Variants in AGAP1 observed in about 807,000 individuals in gnomAD.
AGAP1 encodes ArfGAP with GTPase domain, ankyrin repeat and PH domain 1.
In AGAP1, 29 loss-of-function variants were observed where a neutral mutation model predicts 105.3. That is an observed-to-expected ratio of 0.28 (90% confidence interval 0.21 to 0.38). The LOEUF (loss-of-function observed/expected upper bound fraction) is 0.38, where lower values mean the gene tolerates loss of function less well. Ranked by LOEUF, AGAP1 falls within the 10% of genes least tolerant of loss-of-function variation. The pLI, the probability that AGAP1 is intolerant of heterozygous loss-of-function variation, is 1.00. For synonymous variants in AGAP1, 509 were observed against 485.9 expected (o/e 1.05, Z -0.63); for missense variants, 998 against 1,165.1 (o/e 0.86, Z 2.09).
At position 236,124,452 on chromosome 2, in the gene AGAP1, G is replaced by T. The variant is rs571806375; in HGVS notation, c.*330G>T. ...GGTGGCACAAGGGATGGGGACGCGA[G>T]GGGGAGGGGAGGCGAGGAACAAGGA... On this transcript the variant is annotated 3_prime_UTR_variant, in exon 18 of 18. Coordinates refer to ENST00000304032, the MANE Select transcript of AGAP1 (RefSeq NM_001037131.3). The surrounding 1 kb of genome is among the most constrained non-coding windows in gnomAD (Gnocchi z 5.1). 8.7e-6 allele frequency: 3 copies of T among 344,032 alleles called. No individual in the cohort carries two copies. The highest frequency in any genetic ancestry group is 8.6e-5 in the Admixed American group (2 of 23,210). 21.3% of individuals were successfully genotyped at this position (344,032 alleles called of 1,614,324 possible). A position where few individuals can be genotyped will look rare whatever the true frequency, so the allele number is the denominator to read the frequency against.
At chr2:235,932,771 G>A (rs1403779748) in intron 12 of AGAP1, among the ~76,000 whole-genome samples, 9 of 152,188 alleles carry the variant, frequency 5.9e-5, no homozygotes, top group East Asian at 1.9e-4. Context: ...TGAGCTGTAC[G>A]TATGTGCAGT....
rs1268279922 is a variant in AGAP1 at position 236,130,910 on chromosome 2, A to T, written c.*6788A>T. On this transcript the variant is annotated 3_prime_UTR_variant, in exon 18 of 18. Transcript: ENST00000304032. The surrounding 1 kb of genome is among the most constrained non-coding windows in gnomAD (Gnocchi z 5.8). ...GGCACGAGGGACCTCCCCCATCCCA[A>T]CCCAGCCCCAAGGGTCCCAGCAGGG... 1.3e-5 allele frequency: 2 copies of T among 152,124 alleles called. No homozygotes were observed. Among genetic ancestry groups the T allele is most frequent in the African/African-American group, 2.4e-5 (1 of 41,376 alleles). 9.4% of individuals were successfully genotyped at this position (152,124 alleles called of 1,614,324 possible).
chr2:235,671,230 C>T (rs1201014498), intron 1 of AGAP1, among the ~76,000 whole-genome samples: 1 of 152,228 alleles, frequency 6.6e-6, no homozygotes. Flanking sequence ...CCTGGGTTTT[C>T]TGGCTGCCCC....
At chr2:236,116,116 G>T (rs2059764409) in intron 16 of AGAP1, among the ~76,000 whole-genome samples, 1 of 148,226 alleles carries the variant, frequency 6.7e-6, no homozygotes, top group Middle Eastern at 3.5e-3. Flanking sequence ...GCAAACTTTT[G>T]TTTTTTTGTT....
rs942664826 is a variant in AGAP1, at chr2:236,044,902, C to T, written c.1891+4061C>T. Among the ~76,000 whole-genome samples, 6 of 152,022 alleles carry T rather than the reference C, an allele frequency of 3.9e-5. No homozygotes were observed. The highest frequency in any genetic ancestry group is 1.9e-4 in the East Asian group (1 of 5,150). On this transcript the variant is annotated intron_variant, in intron 15 of 17. Coordinates refer to ENST00000304032, the MANE Select transcript of AGAP1 (RefSeq NM_001037131.3). This position sits in a 1 kb window ranked among gnomAD's most constrained non-coding sequence, Gnocchi z 5.7. ...GCAGGGGCGGGTTGAGATGGGGTCT[C>T]GCCCTATAGCCCAGGATGGAGTGCA...
chr2:235,931,521 T>C lies in AGAP1; in HGVS notation c.1483+598T>C, dbSNP rs2052719562. Among the ~76,000 whole-genome samples the C allele has an allele frequency of 6.6e-6, 1 of 152,008 alleles. No individual in the cohort carries two copies. The highest frequency in any genetic ancestry group is 6.5e-5 in the Admixed American group (1 of 15,270). On this transcript the variant is annotated intron_variant, in intron 12 of 17. Transcript: ENST00000304032. This position sits in a 1 kb window ranked among gnomAD's most constrained non-coding sequence, Gnocchi z 5.6. Reference sequence around the variant, plus strand: ...GTTGGAAACGATCTCGCCGTCTGTGTGGAGCGTGAATGACGCAGCACCGAG... The same window carrying C: ...GTTGGAAACGATCTCGCCGTCTGTGCGGAGCGTGAATGACGCAGCACCGAG...
intron 1 of AGAP1, among the ~76,000 whole-genome samples, chr2:235,699,186 A>G (rs879220033): frequency 6.6e-6 from 1 of 151,590 alleles, no homozygotes; most frequent in African/African-American, 2.4e-5. Context: ...CTTTTCTCCT[A>G]CTTTGGTGGG....
rs115870521 is a variant in AGAP1 at position 235,898,159 on chromosome 2, A to G, written c.1156-10579A>G. On this transcript the variant is annotated intron_variant, in intron 10 of 17. Transcript: ENST00000304032. ...GTCTTATTTAGGTGCCACTAGCTTCAGAGTAGTCCTGCCCCGCAGGGCACT... is the reference window on the plus strand; with the variant it reads ...GTCTTATTTAGGTGCCACTAGCTTCGGAGTAGTCCTGCCCCGCAGGGCACT... Among the ~76,000 whole-genome samples, 982 of 152,348 alleles carry G rather than the reference A, an allele frequency of 6.4e-3. 1 individual carries two copies. Among genetic ancestry groups the G allele is most frequent in the Non-Finnish European group, 9.4e-3 (639 of 68,028 alleles).
At position 235,964,086 on chromosome 2, in the gene AGAP1, T is replaced by C. The variant is rs1157948278; in HGVS notation, c.1484-4376T>C. 6.6e-6 allele frequency among the ~76,000 whole-genome samples: 1 copy of C among 152,086 alleles called. No individual in the cohort carries two copies. The highest frequency in any genetic ancestry group is 1.5e-5 in the Non-Finnish European group (1 of 68,026). On this transcript the variant is annotated intron_variant, in intron 12 of 17. Transcript: ENST00000304032. The surrounding 1 kb of genome is among the most constrained non-coding windows in gnomAD (Gnocchi z 4.6). ...CACAGGCATGCTAGTTAGATTGAGA[T>C]AAGCGACTGGCAGCCTCGTGCAGAA... is the stretch of plus-strand genomic sequence containing the variant.
intron 2 of AGAP1, among the ~76,000 whole-genome samples, chr2:235,715,116 C>T (rs1951035770): frequency 6.6e-6 from 1 of 152,168 alleles, no homozygotes; most frequent in Non-Finnish European, 1.5e-5. Context: ...TTCTTAATAG[C>T]TATTGGCTTC....
At chr2:236,077,892 C>T (rs2058682188) in intron 16 of AGAP1, among the ~76,000 whole-genome samples, 1 of 152,104 alleles carries the variant, frequency 6.6e-6, no homozygotes, top group Non-Finnish European at 1.5e-5. Flanking sequence ...AGGGTGGTGC[C>T]CTCTGTGTAC....
rs150327949 is a variant in AGAP1 at position 235,881,828 on chromosome 2, A to G, written c.1051-1517A>G. Among the ~76,000 whole-genome samples, 725 of 152,366 alleles carry G rather than the reference A, an allele frequency of 4.8e-3. 12 individuals carry two copies. The highest frequency in any genetic ancestry group is 0.016 in the African/African-American group (685 of 41,584). On this transcript the variant is annotated intron_variant, in intron 9 of 17. Coordinates refer to ENST00000304032, the MANE Select transcript of AGAP1 (RefSeq NM_001037131.3). ...GACTTCAAAAATGTGTTGGTTTCAAATTCTGAGTGGTTTTCAAGGAGGCTT... is the reference window on the plus strand; with the variant it reads ...GACTTCAAAAATGTGTTGGTTTCAAGTTCTGAGTGGTTTTCAAGGAGGCTT...
chr2:236,122,579 A>G (rs750063374), intron 17 of AGAP1, among the ~76,000 whole-genome samples: 2 of 151,932 alleles, frequency 1.3e-5, no homozygotes, highest in African/African-American at 2.4e-5. Context: ...CTTTAACCTC[A>G]TATTTTCCCC....
chr2:236,000,248 G>A lies in AGAP1; in HGVS notation c.1645+31625G>A, dbSNP rs1430936962. Among the ~76,000 whole-genome samples the A allele has an allele frequency of 6.6e-6, 1 of 152,182 alleles. No individual in the cohort carries two copies. The highest frequency in any genetic ancestry group is 1.9e-4 in the East Asian group (1 of 5,190). On this transcript the variant is annotated intron_variant, in intron 13 of 17. Coordinates refer to ENST00000304032, the MANE Select transcript of AGAP1 (RefSeq NM_001037131.3). The surrounding 1 kb of genome is among the most constrained non-coding windows in gnomAD (Gnocchi z 4.3). Reference sequence around the variant, plus strand: ...CAATAGGTTCTTAAAACTTCGACTTGAAGCGAAAGGACTTATAATGAAGCC... The same window carrying A: ...CAATAGGTTCTTAAAACTTCGACTTAAAGCGAAAGGACTTATAATGAAGCC...
intron 6 of AGAP1, among the ~76,000 whole-genome samples, chr2:235,763,560 A>T (rs1954645019): frequency 6.6e-6 from 1 of 152,140 alleles, no homozygotes; most frequent in Admixed American, 6.5e-5. Flanking sequence ...CCGAGGATCC[A>T]TCTCTGGAAG....
At chr2:235,505,798 G>C (rs1444464861) in intron 1 of AGAP1, 3 of 152,132 alleles carry the variant, frequency 2.0e-5, no homozygotes, top group East Asian at 1.9e-4. Flanking sequence ...TGGGAAGAGC[G>C]GGGTAGGCGG....
chr2:236,124,240 C>T lies in AGAP1; in HGVS notation c.*118C>T, dbSNP rs2059968177. The T allele has an allele frequency of 3.5e-6, 4 of 1,148,436 alleles. No homozygotes were observed. Among genetic ancestry groups the T allele is most frequent in the Non-Finnish European group, 5.0e-6 (4 of 803,804 alleles). The allele number at this position is 1,148,436 out of a possible 1,614,324, so 71.1% of individuals were successfully genotyped here. On this transcript the variant is annotated 3_prime_UTR_variant, in exon 18 of 18. Transcript: ENST00000304032. The surrounding 1 kb of genome is among the most constrained non-coding windows in gnomAD (Gnocchi z 5.1). ...TCCCCTCCCTCTTCCTGGTGGCCAC[C>T]TCCCTCCCGCCCACCCACTCTCACC...
intron 1 of AGAP1, among the ~76,000 whole-genome samples, chr2:235,530,413 C>G (rs1943001035): frequency 6.6e-6 from 1 of 152,192 alleles, no homozygotes; most frequent in African/African-American, 2.4e-5. Context: ...AAGGTTACCC[C>G]AGATGCAGTG....
rs567044527 is a variant in AGAP1, at chr2:235,826,599, G to A, written c.1050+19268G>A. On this transcript the variant is annotated intron_variant, in intron 9 of 17. Coordinates refer to ENST00000304032, the MANE Select transcript of AGAP1 (RefSeq NM_001037131.3). Reference sequence around the variant, plus strand: ...CAAGTAGCTGGGATTACAGGCGCCCGCCACCACACCCAGCTAATTTTTGTA... The same window carrying A: ...CAAGTAGCTGGGATTACAGGCGCCCACCACCACACCCAGCTAATTTTTGTA... Among the ~76,000 whole-genome samples, 66 of 152,064 alleles carry A rather than the reference G, an allele frequency of 4.3e-4. No individual in the cohort carries two copies. The East Asian group carries it at 6.0e-3, about 14-fold the overall frequency.
Sources: allele counts gnomAD v4.1 joint callset (sites outside exome capture counted in the v4.1 genomes callset), GRCh38; gene constraint gnomAD v4.1.1; non-coding constraint Gnocchi (gnomAD v3.1); transcripts MANE v1.5; gene names NCBI Gene and HGNC (gene_info 2026-07-23, HGNC 2026-07-21).